Variants in SPMIP8 observed in about 807,000 individuals in gnomAD.
SPMIP8 encodes sperm microtubule inner protein 8, also known as testicular tissue protein Li 196.
the SPMIP8 span, chr16:57,976,750 C>A: frequency 8.2e-7 from 1 of 1,216,238 alleles, no homozygotes; most frequent in Non-Finnish European, 1.2e-6. Flanking sequence ...GTCACCATGC[C>A]CCCTCCCTGC....
At chr16:57,977,583 GTGTA>G in the SPMIP8 span, among the ~76,000 whole-genome samples, 2,527 of 142,322 alleles carry the variant, frequency 0.018, 80 homozygotes, top group African/African-American at 0.06. Flanking sequence ...GTGTGTGTGT[GTGTA>G]TGTGTGTGTT....
the SPMIP8 span, chr16:57,985,248 A>G: frequency 6.4e-7 from 1 of 1,558,430 alleles, no homozygotes; most frequent in Non-Finnish European, 8.7e-7. Flanking sequence ...TTGAAGCCCG[A>G]CGTGACCCAG....
chr16:57,982,003 T>C, the SPMIP8 span, among the ~76,000 whole-genome samples: 3 of 152,312 alleles, frequency 2.0e-5, no homozygotes, highest in Non-Finnish European at 4.4e-5. Flanking sequence ...ATTTTATTTT[T>C]AGTTTACATG....
At chr16:57,985,555 C>T in the SPMIP8 span, 1 of 1,586,802 alleles carries the variant, frequency 6.3e-7, no homozygotes, top group Admixed American at 1.8e-5. Context: ...CTGTAAGTGA[C>T]GCCACGCGCC....
the SPMIP8 span, among the ~76,000 whole-genome samples, chr16:57,982,717 T>G: frequency 6.6e-6 from 1 of 152,222 alleles, no homozygotes; most frequent in South Asian, 2.1e-4. Context: ...CAACAGTCTA[T>G]GTTTAGTCTA....
At chr16:57,976,908 G>A in the SPMIP8 span, among the ~76,000 whole-genome samples, 3 of 152,316 alleles carry the variant, frequency 2.0e-5, no homozygotes, top group African/African-American at 7.2e-5. Flanking sequence ...GGGACTATCT[G>A]CTTTTTAAAG....
chr16:57,985,601 C>G, the SPMIP8 span: 1 of 1,528,278 alleles, frequency 6.5e-7, no homozygotes, highest in Non-Finnish European at 8.8e-7. Context: ...AGGATGAGGT[C>G]TGGGCCGCTT....
At chr16:57,987,570 C>A in the SPMIP8 span, 1 of 878,786 alleles carries the variant, frequency 1.1e-6, no homozygotes, top group Non-Finnish European at 1.6e-6. Context: ...CTTAGAGACA[C>A]ACGCAATTGT....
chr16:57,981,007 G>A, the SPMIP8 span, among the ~76,000 whole-genome samples: 44 of 152,136 alleles, frequency 2.9e-4, no homozygotes, highest in Non-Finnish European at 5.6e-4. Flanking sequence ...GAGCTACCAC[G>A]ACCAGCCTGT....
the SPMIP8 span, chr16:57,987,851 G>T: frequency 5.9e-6 from 1 of 170,356 alleles, no homozygotes; most frequent in African/African-American, 2.4e-5. Flanking sequence ...TAAGAAGAAA[G>T]GGAGAGGGCT....
the SPMIP8 span, among the ~76,000 whole-genome samples, chr16:57,981,392 A>AATAATTATTATTATTATTATT: frequency 1.2e-3 from 100 of 83,584 alleles, no homozygotes; most frequent in Non-Finnish European, 2.3e-3. Context: ...TAATAATAAT[A>AATAATTATTATTATTATTATT]ATTATTATTA....
chr16:57,986,201 G>A, the SPMIP8 span: 494 of 415,410 alleles, frequency 1.2e-3, 3 homozygotes, highest in East Asian at 0.013. Context: ...CAAAAGGATA[G>A]GGCGAGGATG....
chr16:57,984,256 C>T, the SPMIP8 span: 1 of 1,599,316 alleles, frequency 6.3e-7, no homozygotes. Context: ...TGACCTCTGA[C>T]CACTGGTGAA....
chr16:57,976,717 C>T, the SPMIP8 span: 1 of 1,535,232 alleles, frequency 6.5e-7, no homozygotes, highest in Admixed American at 1.7e-5. Flanking sequence ...GTCACATCCC[C>T]TAAGGCAGCT....
At chr16:57,986,342 A>G in the SPMIP8 span, 2 of 184,896 alleles carry the variant, frequency 1.1e-5, no homozygotes, top group Non-Finnish European at 2.2e-5. Flanking sequence ...CCCCACAAGT[A>G]AAGAGATAAG....
the SPMIP8 span, among the ~76,000 whole-genome samples, chr16:57,979,939 G>A: frequency 6.6e-6 from 1 of 152,130 alleles, no homozygotes; most frequent in South Asian, 2.1e-4. Context: ...GGGGTGGCGG[G>A]TGCCTGTAAT....
At chr16:57,985,043 C>T in the SPMIP8 span, 1 of 1,095,044 alleles carries the variant, frequency 9.1e-7, no homozygotes, top group Non-Finnish European at 1.3e-6. Context: ...GGGCCGGGGG[C>T]TTTGCCCTGG....
chr16:57,977,113 A>C, the SPMIP8 span, among the ~76,000 whole-genome samples: 3 of 152,076 alleles, frequency 2.0e-5, no homozygotes, highest in Non-Finnish European at 4.4e-5. Context: ...CCTGCTTATT[A>C]TTTAAGAATA....
the SPMIP8 span, among the ~76,000 whole-genome samples, chr16:57,982,916 G>C: frequency 0.47 from 71,946 of 151,910 alleles, 19,275 homozygotes; most frequent in Non-Finnish European, 0.62. Context: ...TGTAATCCCA[G>C]CTACTCGGGA....
Sources: allele counts gnomAD v4.1 joint callset (sites outside exome capture counted in the v4.1 genomes callset), GRCh38; gene constraint gnomAD v4.1.1; transcripts MANE v1.5; gene names NCBI Gene and HGNC (gene_info 2026-07-23, HGNC 2026-07-21).